Variants in THRB observed in about 807,000 individuals in gnomAD.
The protein encoded by THRB is thyroid hormone receptor beta.
Under a neutral mutation model 47.8 loss-of-function variants are expected in THRB, and 12 were observed. The observed-to-expected ratio is 0.25, with a 90% CI of 0.16 to 0.41. THRB has a LOEUF of 0.41. THRB is among the 10% of genes least tolerant of loss of function. The probability of loss-of-function intolerance (pLI) is 1.00; values close to 1 mark genes in which losing one functional copy is unlikely to be tolerated. For missense variants in THRB, 348 were observed against 589.2 expected (o/e 0.59, Z 4.24); for synonymous variants, 218 against 212.2 (o/e 1.03, Z -0.24).
intron 5 of THRB, among the ~76,000 whole-genome samples, chr3:24,181,334 C>T (rs2041871676): frequency 6.6e-6 from 1 of 152,216 alleles, no homozygotes; most frequent in African/African-American, 2.4e-5. Flanking sequence ...TCTCTGACTA[C>T]ATTCTTTGTT....
intron 1 of THRB, among the ~76,000 whole-genome samples, chr3:24,476,771 T>C (rs1043367060): frequency 2.0e-4 from 31 of 152,144 alleles, no homozygotes; most frequent in African/African-American, 7.0e-4. Flanking sequence ...AATTATCTGA[T>C]AGAGTATGGT....
At chr3:24,157,890 C>A (rs1036788371) in intron 5 of THRB, among the ~76,000 whole-genome samples, 2 of 152,112 alleles carry the variant, frequency 1.3e-5, no homozygotes, top group Non-Finnish European at 2.9e-5. Flanking sequence ...TAAGAAGTAC[C>A]TAGTGAAATG....
At chr3:24,429,669 T>C (rs911623855) in intron 1 of THRB, among the ~76,000 whole-genome samples, 4 of 151,978 alleles carry the variant, frequency 2.6e-5, no homozygotes, top group African/African-American at 9.7e-5. Flanking sequence ...CAGATGGAAT[T>C]TATTTGTGTA....
chr3:24,210,437 T>C (rs774957435), intron 4 of THRB, among the ~76,000 whole-genome samples: 4 of 151,666 alleles, frequency 2.6e-5, no homozygotes, highest in Non-Finnish European at 5.9e-5. Context: ...CTGTGGGGCA[T>C]AGCTGGCAAT....
intron 1 of THRB, among the ~76,000 whole-genome samples, chr3:24,376,624 C>T (rs1017742422): frequency 6.9e-6 from 1 of 144,656 alleles, no homozygotes; most frequent in Admixed American, 6.9e-5. Context: ...GCTGAACACT[C>T]TCAAGATTCA....
intron 1 of THRB, chr3:24,486,506 A>G (rs1697323006): frequency 3.3e-5 from 5 of 152,248 alleles, no homozygotes; most frequent in Admixed American, 6.5e-5. Context: ...GGCAACTTCA[A>G]TAAAGATAAA....
intron 3 of THRB, among the ~76,000 whole-genome samples, chr3:24,289,515 T>C (rs1361548281): frequency 6.6e-6 from 1 of 152,182 alleles, no homozygotes; most frequent in Non-Finnish European, 1.5e-5. Flanking sequence ...CATCTACCTA[T>C]CTATCCCTCT....
At chr3:24,132,390 A>T (rs2034001840) in intron 9 of THRB, among the ~76,000 whole-genome samples, 1 of 152,246 alleles carries the variant, frequency 6.6e-6, no homozygotes, top group Admixed American at 6.5e-5. Context: ...TGTAACAGAT[A>T]AAATAAAAGC....
intron 3 of THRB, among the ~76,000 whole-genome samples, chr3:24,296,762 G>A (rs1353761190): frequency 2.0e-5 from 3 of 152,190 alleles, no homozygotes; most frequent in Non-Finnish European, 4.4e-5. Context: ...GATGTTCCTG[G>A]CAGAGGAGCA....
chr3:24,426,296 GACTATA>G (rs1474428382), intron 1 of THRB, among the ~76,000 whole-genome samples: 1 of 151,866 alleles, frequency 6.6e-6, no homozygotes, highest in Non-Finnish European at 1.5e-5. Flanking sequence ...CACTGGTAGG[GACTATA>G]ACTGCTATAG....
At chr3:24,220,733 T>C (rs1453635149) in intron 4 of THRB, among the ~76,000 whole-genome samples, 1 of 150,560 alleles carries the variant, frequency 6.6e-6, no homozygotes, top group Non-Finnish European at 1.5e-5. Flanking sequence ...GAAGAAAGAA[T>C]GCTTAATACA....
chr3:24,360,408 C>T (rs1310452216), intron 1 of THRB, among the ~76,000 whole-genome samples: 2 of 152,092 alleles, frequency 1.3e-5, no homozygotes, highest in Non-Finnish European at 2.9e-5. Context: ...CAGGTTCATT[C>T]CCAGACCTTC....
chr3:24,433,887 G>A (rs1414472379), intron 1 of THRB, among the ~76,000 whole-genome samples: 1 of 152,172 alleles, frequency 6.6e-6, no homozygotes, highest in African/African-American at 2.4e-5. Context: ...CAGCCATAAC[G>A]CTGAGGGTCC....
chr3:24,291,798 A>G (rs943748854), intron 3 of THRB, among the ~76,000 whole-genome samples: 4 of 152,226 alleles, frequency 2.6e-5, no homozygotes. Context: ...ACTGCAAATT[A>G]GTCCAACATT....
rs537398667 is a variant in THRB at position 24,255,018 on chromosome 3, T to C, written c.-42-26017A>G. Among the ~76,000 whole-genome samples the C allele has an allele frequency of 3.3e-5, 5 of 152,322 alleles. No homozygotes were observed. The East Asian group carries it at 9.6e-4, about 29-fold the overall frequency. On this transcript the variant is annotated intron_variant, in intron 3 of 10. Transcript: ENST00000646209. ...ACATACTGCACTTATTGTATTCCCA[T>C]AGAAATAGAGTGTCCTTGGGAAGAA...
intron 9 of THRB, among the ~76,000 whole-genome samples, chr3:24,128,713 A>G (rs1417689391): frequency 1.4e-5 from 2 of 137,952 alleles, no homozygotes; most frequent in Admixed American, 1.5e-4. Context: ...TTCTAATTCC[A>G]TATTACTTAC....
intron 4 of THRB, among the ~76,000 whole-genome samples, chr3:24,198,191 G>A (rs1282985131): frequency 1.3e-5 from 2 of 152,210 alleles, no homozygotes; most frequent in African/African-American, 2.4e-5. Context: ...CTGATGCCAT[G>A]AGACTTGTAA....
intron 3 of THRB, among the ~76,000 whole-genome samples, chr3:24,294,366 T>C (rs1378098915): frequency 6.6e-6 from 1 of 152,172 alleles, no homozygotes; most frequent in Non-Finnish European, 1.5e-5. Flanking sequence ...AAATAGTTGT[T>C]TAAAGCCACT....
intron 5 of THRB, among the ~76,000 whole-genome samples, chr3:24,182,812 T>C (rs932576004): frequency 6.6e-5 from 10 of 152,224 alleles, no homozygotes; most frequent in Non-Finnish European, 4.4e-5. Context: ...AGTAGATACG[T>C]GCTGACCTCT....
Sources: allele counts gnomAD v4.1 joint callset (sites outside exome capture counted in the v4.1 genomes callset), GRCh38; gene constraint gnomAD v4.1.1; transcripts MANE v1.5; gene names NCBI Gene and HGNC (gene_info 2026-07-23, HGNC 2026-07-21).